AGAP1: variants seen among roughly 807,000 people sequenced by gnomAD.
AGAP1 encodes arf-GAP with GTPase, ANK repeat and PH domain-containing protein 1.
A neutral mutation model predicts 105.3 loss-of-function variants in AGAP1; 29 were observed. The ratio of observed to expected loss-of-function variants is 0.28; its 90% CI spans 0.21 to 0.38. The LOEUF (loss-of-function observed/expected upper bound fraction) is 0.38, where lower values mean the gene tolerates loss of function less well. AGAP1 is among the 10% of genes least tolerant of loss of function. The probability of loss-of-function intolerance (pLI) is 1.00; values close to 1 mark genes in which losing one functional copy is unlikely to be tolerated. For missense variants in AGAP1, 998 were observed against 1,165.1 expected, an observed-to-expected ratio of 0.86 and a Z score of 2.09; for synonymous variants, 509 against 485.9, an observed-to-expected ratio of 1.05 and a Z score of -0.63.
chr2:235,604,555 TTTTTTA>T (rs1037126507), intron 1 of AGAP1, among the ~76,000 whole-genome samples: 8 of 149,892 alleles, frequency 5.3e-5, no homozygotes, highest in Non-Finnish European at 1.2e-4. Flanking sequence ...TTCGTGTTTC[TTTTTTA>T]TTTTTATTAT....
rs528566041 is a variant in AGAP1, at chr2:235,577,486, T to G, written c.163+82637T>G. ...ACACTGCCTCTCGCTGAATGCCTGC[T>G]TGGAGCAGAGTCCTGTGTTTGTTTG... is the stretch of plus-strand genomic sequence containing the variant. On this transcript the variant is annotated intron_variant, in intron 1 of 17. Transcript: ENST00000304032. The surrounding 1 kb of genome is among the most constrained non-coding windows in gnomAD (Gnocchi z 4.5). Among the ~76,000 whole-genome samples, 1 of 152,254 alleles carries G rather than the reference T, an allele frequency of 6.6e-6. No individual in the cohort carries two copies. Among genetic ancestry groups the G allele is most frequent in the Non-Finnish European group, 1.5e-5 (1 of 68,010 alleles).
chr2:235,996,079 G>A (rs11694249), intron 13 of AGAP1, among the ~76,000 whole-genome samples: 47,471 of 152,086 alleles, frequency 0.31, 8,311 homozygotes, highest in African/African-American at 0.47. Context: ...CTTGCCAACC[G>A]TTTGTCACAC....
At chr2:235,688,241 CT>C (rs1445692876) in intron 1 of AGAP1, among the ~76,000 whole-genome samples, 1 of 152,156 alleles carries the variant, frequency 6.6e-6, no homozygotes, top group Non-Finnish European at 1.5e-5. Context: ...TCTACTCTTG[CT>C]GGGCTGTAGA....
In AGAP1 at chr2:235,797,886, G is replaced by C; in HGVS notation, c.801G>C (p.Gln267His). 6.2e-7 allele frequency: 1 copy of C among 1,614,054 alleles called. No individual in the cohort carries two copies. The highest frequency in any genetic ancestry group is 8.5e-7 in the Non-Finnish European group (1 of 1,180,004). ...AGGTGTCTGCCGTGCACATCAGCCA[G>C]GTACGTTAGGTGACATGAGAAGTCA... ...SAQVSAVHIS[Q>H]TSNGGGSLSD... is the part of the protein sequence containing the mutation. Residue 267 changes from glutamine (Q) to histidine (H), a missense_variant and splice_region_variant, in exon 7 of 18, where the codon CAG (glutamine) becomes CAC (histidine). Around this residue, in one of 3 missense-constraint regions of AGAP1, gnomAD observed 735 missense variants for 833.4 expected, o/e 0.88. Transcript: ENST00000304032.
chr2:235,969,907 A>C (rs544575322), intron 13 of AGAP1, among the ~76,000 whole-genome samples: 234 of 152,278 alleles, frequency 1.5e-3, no homozygotes, highest in African/African-American at 5.2e-3. Context: ...TTAGCCAATA[A>C]AAACTGATTT....
intron 1 of AGAP1, among the ~76,000 whole-genome samples, chr2:235,515,821 C>T (rs1942354672): frequency 6.6e-6 from 1 of 152,048 alleles, no homozygotes; most frequent in Non-Finnish European, 1.5e-5. Context: ...ATTAAACACG[C>T]ACAGAGCTGG....
chr2:235,602,945 TC>T (rs1361293065), intron 1 of AGAP1, among the ~76,000 whole-genome samples: 4 of 152,144 alleles, frequency 2.6e-5, no homozygotes. Flanking sequence ...CAGGTGATCC[TC>T]CTGCATCGGC....
chr2:235,870,485 G>A (rs1267212935), intron 9 of AGAP1, among the ~76,000 whole-genome samples: 1 of 152,142 alleles, frequency 6.6e-6, no homozygotes, highest in Non-Finnish European at 1.5e-5. Context: ...AATTAGCCAG[G>A]CATGGTGGCA....
At position 235,574,659 on chromosome 2, in the gene AGAP1, G is replaced by A. The variant is rs1390817413; in HGVS notation, c.163+79810G>A. ...TGCGACAGTTAATGAATAGTCATGT[G>A]CATTTGACCCCTAAAAGGAAGGTCT... On this transcript the variant is annotated intron_variant, in intron 1 of 17. Coordinates refer to ENST00000304032, the MANE Select transcript of AGAP1 (RefSeq NM_001037131.3). The surrounding 1 kb of genome is among the most constrained non-coding windows in gnomAD (Gnocchi z 5.0). 6.6e-6 allele frequency among the ~76,000 whole-genome samples: 1 copy of A among 152,154 alleles called. No individual in the cohort carries two copies. Among genetic ancestry groups the A allele is most frequent in the Non-Finnish European group, 1.5e-5 (1 of 68,038 alleles).
chr2:235,496,049 T>G (rs2148991235), intron 1 of AGAP1, among the ~76,000 whole-genome samples: 1 of 152,342 alleles, frequency 6.6e-6, no homozygotes. Flanking sequence ...AGGCTTTGCC[T>G]TGGCACTATG....
chr2:235,582,263 T>C lies in AGAP1; in HGVS notation c.163+87414T>C, dbSNP rs552910020. Among the ~76,000 whole-genome samples, 1 of 152,272 alleles carries C rather than the reference T, an allele frequency of 6.6e-6. No individual in the cohort carries two copies. Among genetic ancestry groups the C allele is most frequent in the East Asian group, 1.9e-4 (1 of 5,170 alleles). ...ACCTTTGGCAGGTCCAGGAGTGTGC[T>C]GAGTCTTTCTACCCCGCTGCGTGGT... On this transcript the variant is annotated intron_variant, in intron 1 of 17. Coordinates refer to ENST00000304032, the MANE Select transcript of AGAP1 (RefSeq NM_001037131.3). This position sits in a 1 kb window ranked among gnomAD's most constrained non-coding sequence, Gnocchi z 4.7.
At chr2:235,809,200 C>T (rs78925065) in intron 9 of AGAP1, among the ~76,000 whole-genome samples, 607 of 152,174 alleles carry the variant, frequency 4.0e-3, no homozygotes, top group Non-Finnish European at 7.2e-3. Flanking sequence ...TCAATTTGTA[C>T]CTGCTCATCT....
intron 9 of AGAP1, among the ~76,000 whole-genome samples, chr2:235,857,141 G>A (rs2106483732): frequency 6.6e-6 from 1 of 152,294 alleles, no homozygotes; most frequent in Admixed American, 6.5e-5. Flanking sequence ...GGGCCACACA[G>A]CAAGAGGTGA....
intron 13 of AGAP1, among the ~76,000 whole-genome samples, chr2:236,026,716 G>A (rs569105863): frequency 1.7e-4 from 26 of 152,240 alleles, no homozygotes; most frequent in South Asian, 6.2e-4. Flanking sequence ...GCAACAGAGC[G>A]AGACTCCATC....
At chr2:235,826,191 AT>A (rs1959052481) in intron 9 of AGAP1, among the ~76,000 whole-genome samples, 3 of 152,196 alleles carry the variant, frequency 2.0e-5, no homozygotes, top group Admixed American at 1.3e-4. Context: ...GAGCGTTGGC[AT>A]GCTCTTTATC....
chr2:235,990,081 T>A (rs946763977), intron 13 of AGAP1, among the ~76,000 whole-genome samples: 5 of 152,224 alleles, frequency 3.3e-5, no homozygotes, highest in Non-Finnish European at 7.3e-5. Flanking sequence ...GTTCTTATGT[T>A]GTCCCAAGTG....
intron 1 of AGAP1, among the ~76,000 whole-genome samples, chr2:235,674,924 T>A (rs1480876757): frequency 4.0e-5 from 6 of 151,894 alleles, no homozygotes; most frequent in African/African-American, 1.4e-4. Flanking sequence ...CTTGACCTCT[T>A]GATCCACCCC....
intron 12 of AGAP1, among the ~76,000 whole-genome samples, chr2:235,940,099 G>T (rs1300044335): frequency 6.6e-6 from 1 of 152,040 alleles, no homozygotes; most frequent in African/African-American, 2.4e-5. Flanking sequence ...CCTCCCAGTA[G>T]TTCAAAACAC....
At chr2:236,017,518 G>A (rs1044102107) in intron 13 of AGAP1, among the ~76,000 whole-genome samples, 6 of 152,038 alleles carry the variant, frequency 3.9e-5, no homozygotes, top group Non-Finnish European at 8.8e-5. Context: ...TTTTAAAGTG[G>A]TCCACTTGAG....
Sources: allele counts gnomAD v4.1 joint callset (sites outside exome capture counted in the v4.1 genomes callset), GRCh38; gene constraint gnomAD v4.1.1; regional missense constraint gnomAD v4.1.1; non-coding constraint Gnocchi (gnomAD v3.1); transcripts MANE v1.5; gene names NCBI Gene and HGNC (gene_info 2026-07-23, HGNC 2026-07-21).